Variants in ME3 observed in about 807,000 individuals in gnomAD.
The protein encoded by ME3 is malic enzyme 3.
A neutral mutation model predicts 68.9 loss-of-function variants in ME3; 48 were observed. That is an observed-to-expected ratio of 0.70 (90% CI 0.55 to 0.89). The LOEUF is 0.89. Among genes scored for constraint, ME3 ranks in the 40% least tolerant of loss-of-function variants. The pLI, the probability that ME3 is intolerant of heterozygous loss-of-function variation, is 0.00. For missense variants in ME3, 675 were observed against 797.4 expected, an observed-to-expected ratio of 0.85 and a Z score of 1.85; for synonymous variants, 320 against 318.8, an observed-to-expected ratio of 1.00 and a Z score of -0.04.
At chr11:86,594,187 C>T (rs138196493) in intron 2 of ME3, among the ~76,000 whole-genome samples, 1,577 of 146,746 alleles carry the variant, frequency 0.011, 200 homozygotes, top group African/African-American at 0.037. Context: ...TTAGAAAGGT[C>T]GAACTATTTT....
chr11:86,542,809 C>A (rs1205701692), intron 4 of ME3, among the ~76,000 whole-genome samples: 1 of 152,120 alleles, frequency 6.6e-6, no homozygotes, highest in Admixed American at 6.5e-5. Flanking sequence ...TAGAACACCA[C>A]AAAGATACAC....
intron 4 of ME3, among the ~76,000 whole-genome samples, chr11:86,541,990 G>A (rs113659445): frequency 0.025 from 3,801 of 152,266 alleles, 139 homozygotes; most frequent in African/African-American, 0.085. Flanking sequence ...TGCAGCCTCC[G>A]CTGGTGATAC....
chr11:86,514,742 A>T (rs996008035), intron 4 of ME3, among the ~76,000 whole-genome samples: 1 of 152,196 alleles, frequency 6.6e-6, no homozygotes, highest in Admixed American at 6.5e-5. Context: ...CCATACACTT[A>T]TTTGTTACAA....
At chr11:86,458,921 A>G (rs931372732) in intron 8 of ME3, among the ~76,000 whole-genome samples, 1 of 152,168 alleles carries the variant, frequency 6.6e-6, no homozygotes, top group Non-Finnish European at 1.5e-5. Flanking sequence ...TCCCTCTCCA[A>G]CAAGGTCATT....
chr11:86,465,339 A>T, intron 7 of ME3, 139 bp from the exon 8 acceptor site: 1 of 677,206 alleles, frequency 1.5e-6, no homozygotes, highest in South Asian at 1.6e-5. Flanking sequence ...TGTTTTTGCC[A>T]CTGGTTGGCT....
At chr11:86,529,056 A>G (rs1041741308) in intron 4 of ME3, among the ~76,000 whole-genome samples, 1 of 152,212 alleles carries the variant, frequency 6.6e-6, no homozygotes, top group Non-Finnish European at 1.5e-5. Flanking sequence ...CAAAAAATCA[A>G]TGAATCCAAG....
chr11:86,453,072 C>T (rs1949723105), intron 8 of ME3, among the ~76,000 whole-genome samples: 1 of 150,240 alleles, frequency 6.7e-6, no homozygotes, highest in Admixed American at 6.6e-5. Context: ...GATCTCGGCT[C>T]ACTGCAACCT....
At chr11:86,623,428 G>T (rs187369573) in intron 2 of ME3, among the ~76,000 whole-genome samples, 1 of 152,186 alleles carries the variant, frequency 6.6e-6, no homozygotes, top group Non-Finnish European at 1.5e-5. Context: ...ATTCTTTCTG[G>T]CTTCTGTAAT....
chr11:86,435,753 T>C, the ME3 span: 2 of 152,260 alleles, frequency 1.3e-5, no homozygotes, highest in South Asian at 4.1e-4. Flanking sequence ...TGGTGATACA[T>C]AGCAGTTGCA....
chr11:86,646,749 A>C (rs1594772140), intron 2 of ME3, among the ~76,000 whole-genome samples: 1 of 152,180 alleles, frequency 6.6e-6, no homozygotes, highest in Non-Finnish European at 1.5e-5. Context: ...ACACATAATC[A>C]TCAGATTCAC....
chr11:86,508,689 C>T, intron 5 of ME3, 103 bp downstream of exon 5: 1 of 1,068,386 alleles, frequency 9.4e-7, no homozygotes, highest in Non-Finnish European at 1.4e-6. Flanking sequence ...AGTATGCTGC[C>T]TTCAGTGTCA....
At chr11:86,448,253 C>T (rs1046317138) in exon 11 of ME3, 2 of 1,612,222 alleles carry the variant, frequency 1.2e-6, no homozygotes, top group African/African-American at 2.7e-5. Flanking sequence ...GGTGGCTCCT[C>T]CCCTACAGGA....
chr11:86,621,553 T>G (rs1245772622), intron 2 of ME3, among the ~76,000 whole-genome samples: 1 of 152,094 alleles, frequency 6.6e-6, no homozygotes, highest in African/African-American at 2.4e-5. Flanking sequence ...AGTCTTTCTT[T>G]TCTTTCTCTC....
chr11:86,465,297 G>A lies in ME3; in HGVS notation c.810-97C>T, dbSNP rs560527957. 7.9e-5 allele frequency: 70 copies of A among 880,908 alleles called. No homozygotes were observed. In the South Asian group the frequency reaches 9.1e-4, roughly 11 times the overall value. The allele number at this position is 880,908 out of a possible 1,614,324, so 54.6% of individuals were successfully genotyped here. On this transcript the variant is annotated intron_variant, in intron 7 of 14. Coordinates refer to ENST00000543262, the Ensembl canonical transcript of ME3. ...CAGTGGGGTGGGGAGGTGCAGGCCT[G>A]GGGGTGGGAGGTGGCATGGCTCCTT...
At chr11:86,540,803 T>A (rs1014526775) in intron 4 of ME3, among the ~76,000 whole-genome samples, 1 of 152,182 alleles carries the variant, frequency 6.6e-6, no homozygotes, top group African/African-American at 2.4e-5. Flanking sequence ...CCAGAACATT[T>A]GCACTGCTTG....
intron 6 of ME3, 62 bp downstream of exon 6, chr11:86,497,901 C>A: frequency 6.6e-7 from 1 of 1,516,312 alleles, no homozygotes; most frequent in Non-Finnish European, 8.9e-7. Context: ...CAAACATGCT[C>A]CTCACCCTGT....
chr11:86,550,129 C>G (rs942587407), intron 4 of ME3, among the ~76,000 whole-genome samples: 3 of 152,192 alleles, frequency 2.0e-5, no homozygotes, highest in Non-Finnish European at 4.4e-5. Context: ...TGATTTACAG[C>G]TCTCCAGACA....
chr11:86,664,206 G>T (rs1041446857), intron 2 of ME3, among the ~76,000 whole-genome samples: 34 of 152,072 alleles, frequency 2.2e-4, no homozygotes, highest in Non-Finnish European at 1.5e-5. Flanking sequence ...GAACATTAAA[G>T]GAAAAGTACA....
rs1019988502 is a variant in ME3, at chr11:86,446,308, T to C, written c.1554+6A>G. The C allele has an allele frequency of 3.1e-6, 5 of 1,613,766 alleles. No homozygotes were observed. The highest frequency in any genetic ancestry group is 4.2e-6 in the Non-Finnish European group (5 of 1,180,014). On this transcript the variant is annotated splice_donor_region_variant and intron_variant, in intron 13 of 14. Coordinates refer to ENST00000543262, the Ensembl canonical transcript of ME3. ...CAAGCATTTGAGGGAGCAAGGACAGTGATACCTCTGCTGTCAGGAGGAAGA... is the reference window on the plus strand; with the variant it reads ...CAAGCATTTGAGGGAGCAAGGACAGCGATACCTCTGCTGTCAGGAGGAAGA...
Sources: allele counts gnomAD v4.1 joint callset (sites outside exome capture counted in the v4.1 genomes callset), GRCh38; gene constraint gnomAD v4.1.1; transcripts MANE v1.5; gene names NCBI Gene and HGNC (gene_info 2026-07-23, HGNC 2026-07-21).